NEK6: variants seen among roughly 807,000 people sequenced by gnomAD.
NEK6 encodes serine/threonine-protein kinase Nek6.
In NEK6, 27 loss-of-function variants were observed where a neutral mutation model predicts 43.5. The observed-to-expected ratio is 0.62, with a 90% CI of 0.46 to 0.86. The LOEUF is 0.86. Among genes scored for constraint, NEK6 ranks in the 40% least tolerant of loss-of-function variants. The pLI, the probability that NEK6 is intolerant of heterozygous loss-of-function variation, is 0.00. For synonymous variants in NEK6, 167 were observed against 164.1 expected, an observed-to-expected ratio of 1.02 and a Z score of -0.14; for missense variants, 318 against 414.4, an observed-to-expected ratio of 0.77 and a Z score of 2.02.
chr9:124,258,461 C>A, intron 1 of NEK6: 1 of 511,162 alleles, frequency 2.0e-6, no homozygotes, highest in Non-Finnish European at 2.5e-6. Context: ...GGAGTACGTG[C>A]GGGTCTCAGG....
chr9:124,284,684 C>T (rs940161050), intron 1 of NEK6, among the ~76,000 whole-genome samples: 3 of 152,214 alleles, frequency 2.0e-5, no homozygotes, highest in Non-Finnish European at 4.4e-5. Context: ...AGGAATTCTC[C>T]GGACGCCTGT....
intron 1 of NEK6, among the ~76,000 whole-genome samples, chr9:124,263,853 G>A (rs1025198505): frequency 1.3e-5 from 2 of 152,270 alleles, no homozygotes; most frequent in African/African-American, 4.8e-5. Flanking sequence ...GTCAGTATCT[G>A]CTCTCGTTCC....
chr9:124,279,931 A>T (rs957637236), intron 1 of NEK6, among the ~76,000 whole-genome samples: 11 of 152,244 alleles, frequency 7.2e-5, no homozygotes, highest in African/African-American at 2.7e-4. Flanking sequence ...CGGACAGCAC[A>T]TGGCTTCACA....
chr9:124,314,057 T>C, intron 4 of NEK6, 72 bp downstream of exon 4: 2 of 1,360,764 alleles, frequency 1.5e-6, no homozygotes, highest in African/African-American at 1.4e-5. Context: ...GGCCACATCA[T>C]GTCCATCACA....
chr9:124,308,963 G>A (rs1183021012), intron 2 of NEK6, among the ~76,000 whole-genome samples: 1 of 152,240 alleles, frequency 6.6e-6, no homozygotes, highest in Admixed American at 6.5e-5. Context: ...TGGAGGTGGC[G>A]ACGGAGCAGC....
At chr9:124,303,055 C>T (rs113015360) in intron 2 of NEK6, among the ~76,000 whole-genome samples, 3 of 152,296 alleles carry the variant, frequency 2.0e-5, no homozygotes, top group East Asian at 3.9e-4. Context: ...AAGAACCTTG[C>T]GGGCCTAGGG....
rs1830251452 is a variant in NEK6, at chr9:124,351,045, A to G, written c.*98A>G. The G allele has an allele frequency of 1.3e-6, 1 of 783,490 alleles. No homozygotes were observed. The highest frequency in any genetic ancestry group is 2.1e-6 in the Non-Finnish European group (1 of 474,238). The allele number at this position is 783,490 out of a possible 1,614,324, so 48.5% of individuals were successfully genotyped here. ...CACCTGGTAGCCTAGAACAGCTAAG[A>G]CCACAGGGTTCAGCAGGTTCCCCAA... On this transcript the variant is annotated 3_prime_UTR_variant, in exon 10 of 10. Coordinates refer to ENST00000320246, the MANE Select transcript of NEK6 (RefSeq NM_014397.6).
chr9:124,285,762 G>T (rs1832129925), intron 1 of NEK6, among the ~76,000 whole-genome samples: 1 of 152,148 alleles, frequency 6.6e-6, no homozygotes, highest in Non-Finnish European at 1.5e-5. Flanking sequence ...AGTTAGGAGT[G>T]TGGGTTCTGG....
rs1833592860 is a variant in NEK6, at chr9:124,312,602, G to A, written c.184G>A (p.Ala62Thr). 6.2e-7 allele frequency: 1 copy of A among 1,613,988 alleles called. No individual in the cohort carries two copies. The highest frequency in any genetic ancestry group is 1.3e-5 in the African/African-American group (1 of 74,944). The stretch of plus-strand genomic sequence containing the variant: ...AGGACAGTTCAGCGAGGTGTACAAG[G>A]CCACCTGCCTGCTGGACAGGAAGAC... ...GRGQFSEVYK[A>T]TCLLDRKTVA... Residue 62 changes from alanine to threonine, a missense_variant, in exon 3 of 10, where the codon GCC (alanine) becomes ACC (threonine). Physicochemically the swap from Ala to Thr is moderately conservative, Grantham distance 58. Around this residue, in one of 2 missense-constraint regions of NEK6, gnomAD observed 239 missense variants for 344.4 expected, o/e 0.69. Coordinates refer to ENST00000320246, the MANE Select transcript of NEK6 (RefSeq NM_014397.6).
rs200283528 is a variant in NEK6, at chr9:124,326,442, C to T, written c.514+4C>T. On this transcript the variant is annotated splice_donor_region_variant and intron_variant, in intron 6 of 9. Coordinates refer to ENST00000320246, the MANE Select transcript of NEK6 (RefSeq NM_014397.6). This position sits in a 1 kb window ranked among gnomAD's most constrained non-coding sequence, Gnocchi z 4.5. ...TCACGCCGGGTGATGCACCGAGGTA[C>T]GTGCCACCCGCCAGGAGCCGCCCGG... 42 of 1,602,322 alleles carry T rather than the reference C, an allele frequency of 2.6e-5. No homozygotes were observed. Among genetic ancestry groups the T allele is most frequent in the East Asian group, 1.6e-4 (7 of 44,140 alleles).
chr9:124,333,442 A>G (rs1829122113), intron 7 of NEK6, among the ~76,000 whole-genome samples: 1 of 152,054 alleles, frequency 6.6e-6, no homozygotes, highest in Non-Finnish European at 1.5e-5. Flanking sequence ...GGGTTGGGGA[A>G]CCTGCCGGGA....
At chr9:124,292,911 G>T in intron 1 of NEK6, 5 of 1,512,722 alleles carry the variant, frequency 3.3e-6, no homozygotes, top group Non-Finnish European at 4.4e-6. Flanking sequence ...GGGAGTGACG[G>T]GGTGAGTCCA....
chr9:124,316,823 GTCTCCCTC>G (rs1833837971), intron 4 of NEK6, among the ~76,000 whole-genome samples: 1 of 152,196 alleles, frequency 6.6e-6, no homozygotes, highest in Admixed American at 6.5e-5. Context: ...TGGGGGAGGA[GTCTCCCTC>G]CTCCCCTCCC....
At chr9:124,323,684 C>T (rs1326123871) in intron 5 of NEK6, among the ~76,000 whole-genome samples, 2 of 152,112 alleles carry the variant, frequency 1.3e-5, no homozygotes, top group Non-Finnish European at 2.9e-5. Flanking sequence ...TCCCTCTTCC[C>T]TGAACCTCAG....
At chr9:124,323,874 C>T (rs1374757438) in intron 5 of NEK6, among the ~76,000 whole-genome samples, 1 of 152,174 alleles carries the variant, frequency 6.6e-6, no homozygotes, top group Non-Finnish European at 1.5e-5. Context: ...TTGGCTTCAC[C>T]AGAGCCAACA....
At chr9:124,318,495 A>G (rs570998150) in intron 4 of NEK6, among the ~76,000 whole-genome samples, 27 of 152,000 alleles carry the variant, frequency 1.8e-4, no homozygotes, top group African/African-American at 6.3e-4. Context: ...CTTCAGCCTC[A>G]TGAAGTGCTG....
At chr9:124,302,636 C>T (rs929707336) in intron 2 of NEK6, among the ~76,000 whole-genome samples, 6 of 152,240 alleles carry the variant, frequency 3.9e-5, no homozygotes, top group Non-Finnish European at 8.8e-5. Flanking sequence ...TCTGAACTGC[C>T]TTGTGTACCC....
intron 4 of NEK6, among the ~76,000 whole-genome samples, chr9:124,321,222 C>T (rs1410900459): frequency 4.6e-5 from 7 of 152,262 alleles, no homozygotes; most frequent in African/African-American, 1.7e-4. Flanking sequence ...TGCTTCAAAA[C>T]ATTATGCCAG....
chr9:124,316,263 G>C (rs1003795735), intron 4 of NEK6, among the ~76,000 whole-genome samples: 1 of 152,254 alleles, frequency 6.6e-6, no homozygotes, highest in Non-Finnish European at 1.5e-5. Context: ...CCAAGCGTGG[G>C]ACAAGAAGGT....
Sources: allele counts gnomAD v4.1 joint callset (sites outside exome capture counted in the v4.1 genomes callset), GRCh38; gene constraint gnomAD v4.1.1; regional missense constraint gnomAD v4.1.1; non-coding constraint Gnocchi (gnomAD v3.1); transcripts MANE v1.5; gene names NCBI Gene and HGNC (gene_info 2026-07-23, HGNC 2026-07-21).